The following KIRREL3 variants were observed in gnomAD, a reference collection of about 807,000 sequenced individuals.
KIRREL3 encodes kirre like nephrin family adhesion molecule 3, also known as kin of IRRE-like protein 3.
In KIRREL3, 36 loss-of-function variants were observed where a neutral mutation model predicts 89.7. That is an observed-to-expected ratio of 0.40 (90% CI 0.31 to 0.53). The LOEUF (loss-of-function observed/expected upper bound fraction) is 0.53. KIRREL3 is among the 20% of genes least tolerant of loss of function. The pLI is 0.49. For synonymous variants in KIRREL3, 445 were observed against 441.4 expected (o/e 1.01, Z -0.10); for missense variants, 864 against 1,056.6 (o/e 0.82, Z 2.53).
In KIRREL3 at chr11:126,466,788, G is replaced by C. The variant is rs567906077; in HGVS notation, c.592-3481C>G. ...TTCCCTTCACTGAGCTTGGCTCTGG[G>C]GACACACCATGGGCATTGAACCTCC... is the stretch of plus-strand genomic sequence containing the variant. On this transcript the variant is annotated intron_variant, in intron 5 of 16. Coordinates refer to ENST00000525144, the MANE Select transcript of KIRREL3 (RefSeq NM_032531.4). Among the ~76,000 whole-genome samples the C allele has an allele frequency of 5.3e-4, 81 of 152,248 alleles. 1 individual carries two copies. The highest frequency in any genetic ancestry group is 1.7e-3 in the African/African-American group (71 of 41,548).
Position 126,521,719 on chromosome 11 carries a change from TG to T in KIRREL3, c.284-256del, listed in dbSNP as rs1958602454. Among the ~76,000 whole-genome samples the T allele has an allele frequency of 1.2e-5, 1 of 85,122 alleles. No homozygotes were observed. The highest frequency in any genetic ancestry group is 2.4e-5 in the Non-Finnish European group (1 of 40,912). 55.8% of individuals were successfully genotyped at this position (85,122 alleles called of 152,430 possible). On this transcript the variant is annotated intron_variant, in intron 3 of 16. Transcript: ENST00000525144. The surrounding 1 kb of genome is among the most constrained non-coding windows in gnomAD (Gnocchi z 4.1). ...GTGTGTGTGTGTGTGTGTGTGTGTG[TG>T]TGTGTGTGTGTATAAGGGCATTTGG...
rs1453485676 is a variant in KIRREL3, at chr11:126,989,779, C to T, written c.55+10676G>A. ...CGGTGTCTCTCCTGCAGCATGAAGG[C>T]CATTGTTTCCAGGGCCTGTGGCCAG... On this transcript the variant is annotated intron_variant, in intron 1 of 16. Coordinates refer to ENST00000525144, the MANE Select transcript of KIRREL3 (RefSeq NM_032531.4). The surrounding 1 kb of genome is among the most constrained non-coding windows in gnomAD (Gnocchi z 6.2). Among the ~76,000 whole-genome samples the T allele has an allele frequency of 6.6e-5, 10 of 152,172 alleles. No homozygotes were observed. Among genetic ancestry groups the T allele is most frequent in the African/African-American group, 2.4e-4 (10 of 41,448 alleles).
At chr11:126,831,919 C>G (rs568206946) in intron 1 of KIRREL3, among the ~76,000 whole-genome samples, 1 of 152,160 alleles carries the variant, frequency 6.6e-6, no homozygotes, top group African/African-American at 2.4e-5. Flanking sequence ...TTAGAAATTG[C>G]CTTCCTGGCA....
intron 1 of KIRREL3, among the ~76,000 whole-genome samples, chr11:126,950,072 C>T (rs532191080): frequency 6.6e-6 from 1 of 152,264 alleles, no homozygotes; most frequent in Non-Finnish European, 1.5e-5. Flanking sequence ...TCACTTTCCA[C>T]CCTTAAAATA....
Position 126,502,005 on chromosome 11 carries a change from G to C in KIRREL3, c.433+19310C>G, listed in dbSNP as rs148135477. On this transcript the variant is annotated intron_variant, in intron 4 of 16. Coordinates refer to ENST00000525144, the MANE Select transcript of KIRREL3 (RefSeq NM_032531.4). Reference sequence around the variant, plus strand: ...CAGGCAAACAGGCATAAACTGACCAGGTCTTTGTAAGAGAAGCCAGAAATC... The same window carrying C: ...CAGGCAAACAGGCATAAACTGACCACGTCTTTGTAAGAGAAGCCAGAAATC... Among the ~76,000 whole-genome samples the C allele has an allele frequency of 4.4e-4, 67 of 152,264 alleles. No homozygotes were observed. In the East Asian group the frequency reaches 0.01, roughly 23 times the overall value.
chr11:126,716,127 G>A (rs1454198670), intron 1 of KIRREL3, among the ~76,000 whole-genome samples: 4 of 151,806 alleles, frequency 2.6e-5, no homozygotes, highest in African/African-American at 9.7e-5. Flanking sequence ...GAGACAGGAG[G>A]GGAGAAGGAG....
chr11:126,901,394 G>A (rs1447116321), intron 1 of KIRREL3, among the ~76,000 whole-genome samples: 1 of 152,144 alleles, frequency 6.6e-6, no homozygotes, highest in Non-Finnish European at 1.5e-5. Context: ...TCCTTGGGGA[G>A]CAGGGGGTTT....
chr11:126,523,021 G>A lies in KIRREL3; in HGVS notation c.284-1557C>T, dbSNP rs192611801. Among the ~76,000 whole-genome samples, 6 of 152,334 alleles carry A rather than the reference G, an allele frequency of 3.9e-5. No individual in the cohort carries two copies. The highest frequency in any genetic ancestry group is 1.9e-4 in the East Asian group (1 of 5,190). Reference sequence around the variant, plus strand: ...CAGGCAGGGAGACCTGCAAGAGCTCGCCTCAAGTATTTCAAAGAATCTCTC... The same window carrying A: ...CAGGCAGGGAGACCTGCAAGAGCTCACCTCAAGTATTTCAAAGAATCTCTC... On this transcript the variant is annotated intron_variant, in intron 3 of 16. Transcript: ENST00000525144. The surrounding 1 kb of genome is among the most constrained non-coding windows in gnomAD (Gnocchi z 4.9).
chr11:126,572,617 C>T (rs1458600511), intron 1 of KIRREL3, among the ~76,000 whole-genome samples: 2 of 152,030 alleles, frequency 1.3e-5, no homozygotes, highest in Non-Finnish European at 2.9e-5. Context: ...TCACAGGCAT[C>T]ACTGTCAGGT....
chr11:126,866,519 G>A (rs56273251), intron 1 of KIRREL3, among the ~76,000 whole-genome samples: 81,289 of 151,940 alleles, frequency 0.54, 21,734 homozygotes, highest in East Asian at 0.58. Flanking sequence ...CAGGAAGAAG[G>A]ATGGGGTCCC....
rs553970905 is a variant in KIRREL3, at chr11:126,571,977, G to C, written c.56-9065C>G. On this transcript the variant is annotated intron_variant, in intron 1 of 16. Transcript: ENST00000525144. The surrounding 1 kb of genome is among the most constrained non-coding windows in gnomAD (Gnocchi z 7.7). ...CTGTGAGGAACAGGGGCTGCCAAAA[G>C]CCATATGCCTGAGGGCTGTTAGACT... Among the ~76,000 whole-genome samples, 1 of 152,338 alleles carries C rather than the reference G, an allele frequency of 6.6e-6. No homozygotes were observed. The highest frequency in any genetic ancestry group is 1.5e-5 in the Non-Finnish European group (1 of 68,028).
rs192491430 is a variant in KIRREL3 at position 126,852,837 on chromosome 11, C to T, written c.55+147618G>A. Among the ~76,000 whole-genome samples the T allele has an allele frequency of 2.6e-4, 40 of 152,318 alleles. 1 individual carries two copies. The East Asian group carries it at 6.6e-3, about 25-fold the overall frequency. On this transcript the variant is annotated intron_variant, in intron 1 of 16. Coordinates refer to ENST00000525144, the MANE Select transcript of KIRREL3 (RefSeq NM_032531.4). The stretch of plus-strand genomic sequence containing the variant: ...TCTTTGCTCTTGGCTTCTTGTCCAG[C>T]TCTGGAAGGCAGGTGGACTCCCTGA...
In KIRREL3 at chr11:126,525,613, G is replaced by A. The variant is rs990384153; in HGVS notation, c.283+925C>T. Among the ~76,000 whole-genome samples, 1 of 152,176 alleles carries A rather than the reference G, an allele frequency of 6.6e-6. No homozygotes were observed. Among genetic ancestry groups the A allele is most frequent in the African/African-American group, 2.4e-5 (1 of 41,428 alleles). On this transcript the variant is annotated intron_variant, in intron 3 of 16. Transcript: ENST00000525144. This position sits in a 1 kb window ranked among gnomAD's most constrained non-coding sequence, Gnocchi z 5.4. ...TCCTGCAGCTGTACACCATGCGAGA[G>A]GCAAAGTTACTTCTCAGCTGAATAA...
intron 1 of KIRREL3, among the ~76,000 whole-genome samples, chr11:126,595,004 C>T (rs926592617): frequency 2.0e-5 from 3 of 152,242 alleles, no homozygotes; most frequent in African/African-American, 7.2e-5. Context: ...CGTGGGGCAC[C>T]CCGTCCTGAG....
intron 1 of KIRREL3, among the ~76,000 whole-genome samples, chr11:126,858,434 C>T (rs1944604589): frequency 6.6e-6 from 1 of 152,052 alleles, no homozygotes; most frequent in Non-Finnish European, 1.5e-5. Flanking sequence ...CATATGCTTG[C>T]CATTGGGTGC....
At chr11:126,775,719 T>C (rs548318789) in intron 1 of KIRREL3, among the ~76,000 whole-genome samples, 2 of 152,342 alleles carry the variant, frequency 1.3e-5, no homozygotes, top group South Asian at 4.1e-4. Context: ...TATGTGCTCT[T>C]TCAATTTTTA....
At chr11:126,442,304 G>A (rs1455119490) in intron 10 of KIRREL3, among the ~76,000 whole-genome samples, 3 of 76,194 alleles carry the variant, frequency 3.9e-5, no homozygotes, top group East Asian at 3.5e-4. Context: ...AACATGCACA[G>A]ACACACAAAA....
At chr11:126,671,508 G>A (rs941346244) in intron 1 of KIRREL3, among the ~76,000 whole-genome samples, 1 of 151,846 alleles carries the variant, frequency 6.6e-6, no homozygotes, top group Non-Finnish European at 1.5e-5. Flanking sequence ...TTGACCAGGA[G>A]AAAATATTTG....
rs758133408 is a variant in KIRREL3, at chr11:126,576,160, G to A, written c.56-13248C>T. Reference sequence around the variant, plus strand: ...ATTAATATTTGATTTAGCACTGTGTGTCCCTTCAAAATTCTGGGGGCCAAG... The same window carrying A: ...ATTAATATTTGATTTAGCACTGTGTATCCCTTCAAAATTCTGGGGGCCAAG... On this transcript the variant is annotated intron_variant, in intron 1 of 16. Transcript: ENST00000525144. This position sits in a 1 kb window ranked among gnomAD's most constrained non-coding sequence, Gnocchi z 5.4. 2.6e-5 allele frequency among the ~76,000 whole-genome samples: 4 copies of A among 152,188 alleles called. No homozygotes were observed. Among genetic ancestry groups the A allele is most frequent in the Non-Finnish European group, 5.9e-5 (4 of 68,030 alleles).
Sources: allele counts gnomAD v4.1 joint callset (sites outside exome capture counted in the v4.1 genomes callset), GRCh38; gene constraint gnomAD v4.1.1; non-coding constraint Gnocchi (gnomAD v3.1); transcripts MANE v1.5; gene names NCBI Gene and HGNC (gene_info 2026-07-23, HGNC 2026-07-21).